Variants in TNXB observed in about 807,000 individuals in gnomAD.
TNXB encodes tenascin XB, also known as tenascin-X.
A neutral mutation model predicts 340.5 loss-of-function variants in TNXB; 183 were observed. The ratio of observed to expected loss-of-function variants is 0.54; its 90% CI spans 0.48 to 0.61. The LOEUF is 0.61. Among genes scored for constraint, TNXB ranks in the 20% least tolerant of loss-of-function variants. The probability of loss-of-function intolerance (pLI) is 0.00; values close to 1 mark genes in which losing one functional copy is unlikely to be tolerated. For synonymous variants in TNXB, 2,121 were observed against 2,314.5 expected (o/e 0.92, Z 2.40); for missense variants, 4,613 against 5,446.4 (o/e 0.85, Z 4.82).
At chr6:32,095,488 T>C (rs1419510973) in intron 3 of TNXB, 123 bp downstream of exon 3, 3 of 1,273,306 alleles carry the variant, frequency 2.4e-6, no homozygotes, top group Admixed American at 2.3e-5. Flanking sequence ...CTGCCCCTGG[T>C]GGGCACTGGC....
Position 32,081,636 on chromosome 6 carries a change from G to C in TNXB, c.3774C>G (p.Phe1258Leu). The change falls in exon 10 of 44, where the codon TTC (phenylalanine) becomes TTG (leucine). Residue 1258 changes from phenylalanine to leucine, a missense_variant. By Grantham distance (22) the Phe-to-Leu change is conservative (BLOSUM62 0). Coordinates refer to ENST00000644971, the MANE Select transcript of TNXB (RefSeq NM_001365276.2). This position sits in a 1 kb window ranked among gnomAD's most constrained non-coding sequence, Gnocchi z 5.1. ...GTTCCCCCAGGAGGGGCTGCTCCAGGAACTCAGGGCGGGGGGGCTCCTCTT... is the reference window on the plus strand; with the variant it reads ...GTTCCCCCAGGAGGGGCTGCTCCAGCAACTCAGGGCGGGGGGGCTCCTCTT... ...ERKEEPPRPE[F>L]LEQPLLGELT... is the part of the protein sequence containing the mutation. 1 of 1,597,280 alleles carries C rather than the reference G, an allele frequency of 6.3e-7. No individual in the cohort carries two copies. Among genetic ancestry groups the C allele is most frequent in the South Asian group, 1.1e-5 (1 of 87,840 alleles).
chr6:32,093,145 C>A (rs910545117), intron 4 of TNXB: 5 of 476,882 alleles, frequency 1.0e-5, no homozygotes, highest in South Asian at 4.1e-5. Context: ...TCTTAAGAAA[C>A]TTCCTTTTCG....
intron 3 of TNXB, among the ~76,000 whole-genome samples, 192 bp downstream of exon 3, chr6:32,095,419 C>T (rs779534290): frequency 1.3e-5 from 2 of 152,086 alleles, no homozygotes; most frequent in African/African-American, 4.8e-5. Flanking sequence ...CCCCAACCTG[C>T]TCCTCAGAGA....
chr6:32,093,138 T>G, intron 4 of TNXB: 1 of 482,550 alleles, frequency 2.1e-6, no homozygotes, highest in Non-Finnish European at 3.7e-6. Context: ...TGAAATTTCT[T>G]AAGAAACTTC....
intron 18 of TNXB, among the ~76,000 whole-genome samples, 179 bp from the exon 19 acceptor site, chr6:32,065,296 C>G (rs922787604): frequency 6.6e-6 from 1 of 152,120 alleles, no homozygotes; most frequent in Non-Finnish European, 1.5e-5. Context: ...TGCCAGGCAG[C>G]CTCCTACCTC....
chr6:32,057,701 G>A (rs998275927), intron 22 of TNXB, among the ~76,000 whole-genome samples: 16 of 152,130 alleles, frequency 1.1e-4, no homozygotes, highest in African/African-American at 3.6e-4. Flanking sequence ...CTAGCCTCCT[G>A]GCCTTTGCAC....
At chr6:32,104,185 A>G (rs1218331443) in intron 1 of TNXB, among the ~76,000 whole-genome samples, 1 of 152,212 alleles carries the variant, frequency 6.6e-6, no homozygotes, top group East Asian at 1.9e-4. Context: ...AATGTGCAAC[A>G]AATTTCTACT....
rs1332015042 is a variant in TNXB at position 32,068,262 on chromosome 6, C to T, written c.6220+128G>A. 2.9e-6 allele frequency: 4 copies of T among 1,382,168 alleles called. No homozygotes were observed. In the African/African-American group the frequency reaches 4.3e-5, roughly 15 times the overall value. 85.6% of individuals were successfully genotyped at this position (1,382,168 alleles called of 1,614,324 possible). A position where few individuals can be genotyped will look rare whatever the true frequency, so the allele number is the denominator to read the frequency against. ...TCACAGGAAGGCCCAAGGGGAGCCC[C>T]AGCCCCAGCCACAAGCAGGTCTGTG... On this transcript the variant is annotated intron_variant, in intron 17 of 43. Transcript: ENST00000644971. This position sits in a 1 kb window ranked among gnomAD's most constrained non-coding sequence, Gnocchi z 5.3.
In TNXB at chr6:32,075,091, C is replaced by T. The variant is rs1171589309; in HGVS notation, c.4376-1139G>A. Among the ~76,000 whole-genome samples the T allele has an allele frequency of 6.6e-6, 1 of 152,228 alleles. No individual in the cohort carries two copies. The highest frequency in any genetic ancestry group is 1.9e-4 in the East Asian group (1 of 5,198). The stretch of plus-strand genomic sequence containing the variant: ...GTGGGTATCCGCCTGTTGTCACTAC[C>T]TTCAGAGTCTGACCCCTCCTTGCCA... On this transcript the variant is annotated intron_variant, in intron 11 of 43. Coordinates refer to ENST00000644971, the MANE Select transcript of TNXB (RefSeq NM_001365276.2). The surrounding 1 kb of genome is among the most constrained non-coding windows in gnomAD (Gnocchi z 4.6).
Position 32,087,933 on chromosome 6 carries a change from C to T in TNXB, c.2779+852G>A. On this transcript the variant is annotated intron_variant, in intron 6 of 43. Transcript: ENST00000644971. The surrounding 1 kb of genome is among the most constrained non-coding windows in gnomAD (Gnocchi z 9.0). Reference sequence around the variant, plus strand: ...GCCGCGGGGCTGGGGCTGGCCGGGGCCGGGACTTGGGGGGCGGGGCTGGGG... The same window carrying T: ...GCCGCGGGGCTGGGGCTGGCCGGGGTCGGGACTTGGGGGGCGGGGCTGGGG... 3.9e-6 allele frequency: 1 copy of T among 254,924 alleles called. No individual in the cohort carries two copies. The highest frequency in any genetic ancestry group is 3.3e-5 in the South Asian group (1 of 30,296). The allele number at this position is 254,924 out of a possible 1,614,324, so 15.8% of individuals were successfully genotyped here.
chr6:32,106,760 T>C (rs552427139), intron 1 of TNXB, among the ~76,000 whole-genome samples: 1 of 152,268 alleles, frequency 6.6e-6, no homozygotes, highest in Non-Finnish European at 1.5e-5. Flanking sequence ...GAGTGTAGCC[T>C]TGGGTAAGAG....
chr6:32,097,753 C>T lies in TNXB; in HGVS notation c.403+43G>A. On this transcript the variant is annotated intron_variant, in intron 2 of 43. Transcript: ENST00000644971. This position sits in a 1 kb window ranked among gnomAD's most constrained non-coding sequence, Gnocchi z 5.9. ...GACCTTTATGGACTAGCAATGCCCACCCCACCCCACCTCTCCACCCTCTTC... is the reference window on the plus strand; with the variant it reads ...GACCTTTATGGACTAGCAATGCCCATCCCACCCCACCTCTCCACCCTCTTC... 6.7e-7 allele frequency: 1 copy of T among 1,491,466 alleles called. No homozygotes were observed. The highest frequency in any genetic ancestry group is 8.9e-7 in the Non-Finnish European group (1 of 1,120,310). 92.4% of individuals were successfully genotyped at this position (1,491,466 alleles called of 1,614,324 possible).
rs1356132177 is a variant in TNXB, at chr6:32,049,842, A to C, written c.9439+156T>G. 2.0e-5 allele frequency among the ~76,000 whole-genome samples: 3 copies of C among 152,132 alleles called. No individual in the cohort carries two copies. The highest frequency in any genetic ancestry group is 6.5e-5 in the Admixed American group (1 of 15,284). On this transcript the variant is annotated intron_variant, in intron 27 of 43. Coordinates refer to ENST00000644971, the MANE Select transcript of TNXB (RefSeq NM_001365276.2). The surrounding 1 kb of genome is among the most constrained non-coding windows in gnomAD (Gnocchi z 4.5). Reference sequence around the variant, plus strand: ...CCCTGCTCAGGGGGAGCCAGGGGTCAACCACATAGGAAGGCCCAAGGGGAG... The same window carrying C: ...CCCTGCTCAGGGGGAGCCAGGGGTCCACCACATAGGAAGGCCCAAGGGGAG...
chr6:32,083,795 G>A lies in TNXB; in HGVS notation c.3445+618C>T, dbSNP rs1779613499. ...CCACCTCAAGCCTCTCAAGTAGCTG[G>A]GACTACAGGCACGCACCACCACGCC... On this transcript the variant is annotated intron_variant, in intron 8 of 43. Coordinates refer to ENST00000644971, the MANE Select transcript of TNXB (RefSeq NM_001365276.2). The surrounding 1 kb of genome is among the most constrained non-coding windows in gnomAD (Gnocchi z 4.6). Among the ~76,000 whole-genome samples, 1 of 152,078 alleles carries A rather than the reference G, an allele frequency of 6.6e-6. No homozygotes were observed. The highest frequency in any genetic ancestry group is 2.4e-5 in the African/African-American group (1 of 41,416).
chr6:32,095,022 T>G, intron 4 of TNXB, 54 bp downstream of exon 4: 3 of 1,427,422 alleles, frequency 2.1e-6, no homozygotes, highest in Non-Finnish European at 2.9e-6. Context: ...AGGTGAGCCC[T>G]GCCCCCCTGT....
chr6:32,061,300 CA>C lies in TNXB; in HGVS notation c.7492+96del, dbSNP rs1777988329. ...CAGAGGGAGGGCAGGACACAGGAGACAAGTCTGGACCCACAGGGCTTGGTGA... is the reference window on the plus strand; with the variant it reads ...CAGAGGGAGGGCAGGACACAGGAGACAGTCTGGACCCACAGGGCTTGGTGA... On this transcript the variant is annotated intron_variant, in intron 21 of 43. Transcript: ENST00000644971. This position sits in a 1 kb window ranked among gnomAD's most constrained non-coding sequence, Gnocchi z 4.4. 2 of 1,514,526 alleles carry C rather than the reference CA, an allele frequency of 1.3e-6. No individual in the cohort carries two copies. The highest frequency in any genetic ancestry group is 1.8e-6 in the Non-Finnish European group (2 of 1,126,120). 93.8% of individuals were successfully genotyped at this position (1,514,526 alleles called of 1,614,324 possible).
chr6:32,057,094 GCCCCCACCTCA>G (rs1777708224), intron 22 of TNXB, among the ~76,000 whole-genome samples, 191 bp from the exon 23 acceptor site: 1 of 150,472 alleles, frequency 6.6e-6, no homozygotes, highest in Admixed American at 6.6e-5. Context: ...CCTGCCCTCA[GCCCCCACCTCA>G]CCCCCACCTC....
chr6:32,044,329 C>T (rs1177964289), intron 33 of TNXB, 52 bp downstream of exon 33: 1 of 428,408 alleles, frequency 2.3e-6, no homozygotes, highest in Non-Finnish European at 3.9e-6. Context: ...TAGGTCCCCC[C>T]CGTGAAGTAC....
At chr6:32,093,604 G>A (rs1038270582) in intron 4 of TNXB, 3 of 460,056 alleles carry the variant, frequency 6.5e-6, no homozygotes, top group Non-Finnish European at 1.2e-5. Flanking sequence ...ATGAAGATGA[G>A]GATGACATGG....
Sources: allele counts gnomAD v4.1 joint callset (sites outside exome capture counted in the v4.1 genomes callset), GRCh38; gene constraint gnomAD v4.1.1; non-coding constraint Gnocchi (gnomAD v3.1); transcripts MANE v1.5; gene names NCBI Gene and HGNC (gene_info 2026-07-23, HGNC 2026-07-21).